WWC2: variants seen among roughly 807,000 people sequenced by gnomAD.
WWC2 encodes WW and C2 domain containing 2, also known as protein WWC2.
A neutral mutation model predicts 138.5 loss-of-function variants in WWC2; 101 were observed. The observed-to-expected ratio is 0.73, with a 90% confidence interval of 0.62 to 0.86. WWC2 has a LOEUF of 0.86. Ranked by LOEUF, WWC2 falls within the 40% of genes least tolerant of loss-of-function variation. WWC2 has a pLI of 0.00. For missense variants in WWC2, 1,420 were observed against 1,419.4 expected (o/e 1.00, Z -0.01); for synonymous variants, 558 against 538.4 (o/e 1.04, Z -0.50).
At chr4:183,122,681 A>G (rs1208119001) in intron 1 of WWC2, among the ~76,000 whole-genome samples, 1 of 151,864 alleles carries the variant, frequency 6.6e-6, no homozygotes, top group East Asian at 1.9e-4. Flanking sequence ...CACCACCCCT[A>G]GCTAATTTTG....
intron 21 of WWC2, among the ~76,000 whole-genome samples, chr4:183,298,628 C>A (rs535934024): frequency 6.6e-6 from 1 of 152,260 alleles, no homozygotes; most frequent in African/African-American, 2.4e-5. Flanking sequence ...TTATAAAATA[C>A]CATAAAAGTA....
intron 21 of WWC2, among the ~76,000 whole-genome samples, chr4:183,304,920 G>A (rs528338448): frequency 3.2e-4 from 48 of 152,294 alleles, no homozygotes; most frequent in African/African-American, 1.1e-3. Flanking sequence ...ATCAGAACCA[G>A]ACTCACACAT....
chr4:183,307,903 G>A (rs931500933), intron 21 of WWC2, among the ~76,000 whole-genome samples: 5 of 152,156 alleles, frequency 3.3e-5, no homozygotes, highest in Non-Finnish European at 5.9e-5. Flanking sequence ...TGGGAAGGAC[G>A]TCAGCATTGT....
At chr4:183,297,469 G>T (rs1344222891) in intron 21 of WWC2, among the ~76,000 whole-genome samples, 1 of 151,468 alleles carries the variant, frequency 6.6e-6, no homozygotes, top group Non-Finnish European at 1.5e-5. Flanking sequence ...AAGTGCAATG[G>T]CACAATCTTA....
intron 2 of WWC2, among the ~76,000 whole-genome samples, chr4:183,198,785 T>A: frequency 9.6e-6 from 1 of 104,686 alleles, no homozygotes; most frequent in Non-Finnish European, 2.0e-5. Context: ...AGACCTCGTC[T>A]CTTTAAAAAA....
chr4:183,157,591 C>G (rs1326417237), intron 1 of WWC2, among the ~76,000 whole-genome samples: 3 of 152,186 alleles, frequency 2.0e-5, no homozygotes, highest in Admixed American at 2.0e-4. Context: ...ACCTCCACCT[C>G]CTGGGTTCAA....
chr4:183,133,564 T>G (rs1579971577), intron 1 of WWC2, among the ~76,000 whole-genome samples: 1 of 152,200 alleles, frequency 6.6e-6, no homozygotes, highest in Non-Finnish European at 1.5e-5. Context: ...TGGTGCGATT[T>G]CAGCTCACTG....
At chr4:183,249,392 A>G (rs904776150) in intron 7 of WWC2, among the ~76,000 whole-genome samples, 44 of 152,202 alleles carry the variant, frequency 2.9e-4, no homozygotes, top group African/African-American at 1.1e-3. Flanking sequence ...TTTACTTCTC[A>G]ATACATTCCC....
intron 4 of WWC2, among the ~76,000 whole-genome samples, chr4:183,225,599 A>G (rs1048476062): frequency 6.6e-6 from 1 of 152,250 alleles, no homozygotes; most frequent in African/African-American, 2.4e-5. Context: ...TAGCAGACAA[A>G]GCCAACCTGC....
At chr4:183,307,998 A>G (rs1429844160) in intron 21 of WWC2, among the ~76,000 whole-genome samples, 2 of 152,234 alleles carry the variant, frequency 1.3e-5, no homozygotes, top group Non-Finnish European at 2.9e-5. Context: ...AAACAGAAAC[A>G]ACTCTGGGAA....
rs1249277704 is a variant in WWC2 at position 183,248,843 on chromosome 4, A to G, written c.862A>G (p.Thr288Ala). Residue 288 changes from threonine to alanine, a missense_variant, in exon 7 of 23, where the codon ACA becomes GCA. Transcript: ENST00000403733. ...SRQTLDAGSQ[T>A]SISGDIGVRS... ...ACAGACCCTTGATGCTGGGTCACAA[A>G]CAAGCATTTCCGGAGATGTAAGTTA... 13 of 1,598,860 alleles carry G rather than the reference A, an allele frequency of 8.1e-6. No individual in the cohort carries two copies. Among genetic ancestry groups the G allele is most frequent in the Non-Finnish European group, 1.1e-5 (13 of 1,171,120 alleles).
chr4:183,152,454 G>A (rs1282821115), intron 1 of WWC2, among the ~76,000 whole-genome samples: 1 of 151,096 alleles, frequency 6.6e-6, no homozygotes, highest in African/African-American at 2.4e-5. Context: ...AGCTGAGATT[G>A]TGCCACTGCA....
At chr4:183,315,015 A>G (rs1739389300) in intron 22 of WWC2, among the ~76,000 whole-genome samples, 1 of 152,214 alleles carries the variant, frequency 6.6e-6, no homozygotes, top group Admixed American at 6.5e-5. Context: ...ATATGCCCTC[A>G]AGAAATACGT....
chr4:183,113,531 CGCACATGCACGT>C (rs1561420366), intron 1 of WWC2, among the ~76,000 whole-genome samples: 35 of 148,636 alleles, frequency 2.4e-4, no homozygotes, highest in Non-Finnish European at 3.3e-4. Flanking sequence ...CGCGTGCGCG[CGCACATGCACGT>C]GCATGCAAGA....
intron 9 of WWC2, among the ~76,000 whole-genome samples, chr4:183,257,737 G>A (rs985297252): frequency 9.2e-5 from 14 of 152,082 alleles, no homozygotes; most frequent in Non-Finnish European, 1.5e-4. Flanking sequence ...GACAAACTGC[G>A]GCCCACTAGG....
intron 2 of WWC2, among the ~76,000 whole-genome samples, chr4:183,199,318 G>C (rs1342666280): frequency 6.6e-6 from 1 of 152,046 alleles, no homozygotes; most frequent in African/African-American, 2.4e-5. Flanking sequence ...AATTAAGCCT[G>C]TTCCACGGAA....
chr4:183,253,741 A>G lies in WWC2; in HGVS notation c.954-16A>G, dbSNP rs150936913. The G allele has an allele frequency of 3.1e-6, 5 of 1,599,768 alleles. No individual in the cohort carries two copies. The highest frequency in any genetic ancestry group is 3.4e-6 in the Non-Finnish European group (4 of 1,176,764). ...TTTTAAGTATGTGCATACCTCTTCT[A>G]TCTTTTTTTTTTTAGTATGGCCAAC... On this transcript the variant is annotated splice_polypyrimidine_tract_variant and intron_variant, in intron 8 of 22. Coordinates refer to ENST00000403733, the MANE Select transcript of WWC2 (RefSeq NM_024949.6).
intron 1 of WWC2, among the ~76,000 whole-genome samples, chr4:183,120,472 T>C (rs1032251152): frequency 2.0e-5 from 3 of 152,206 alleles, no homozygotes; most frequent in South Asian, 2.1e-4. Context: ...GGAGTAAGAC[T>C]GTAGACTAGG....
intron 1 of WWC2, among the ~76,000 whole-genome samples, chr4:183,135,612 T>C (rs1733086073): frequency 6.6e-6 from 1 of 152,052 alleles, no homozygotes. Context: ...AGAGCATTAA[T>C]GTTTTATGTA....
Sources: gnomAD v4.1 joint callset for allele counts (sites outside exome capture counted in the v4.1 genomes callset) on GRCh38, gnomAD v4.1.1 for gene constraint, MANE v1.5 for transcripts, NCBI Gene and HGNC (gene_info 2026-07-23, HGNC 2026-07-21) for gene names.